EPHA4: variants seen among roughly 807,000 people sequenced by gnomAD.
EPHA4 encodes the protein EPH receptor A4.
EPHA4 carries 19 observed loss-of-function variants against 108.3 expected under a neutral mutation model. The observed-to-expected ratio is 0.18, with a 90% CI of 0.12 to 0.26. The LOEUF (loss-of-function observed/expected upper bound fraction) is 0.26, where lower values mean the gene tolerates loss of function less well. Among genes scored for constraint, EPHA4 ranks in the 10% least tolerant of loss-of-function variants. EPHA4 has a pLI of 1.00. For missense variants in EPHA4, 917 were observed against 1,254.0 expected (o/e 0.73, Z 4.06); for synonymous variants, 449 against 455.5 (o/e 0.99, Z 0.18).
intron 5 of EPHA4, among the ~76,000 whole-genome samples, chr2:221,460,521 T>A (rs1017263353): frequency 6.6e-6 from 1 of 152,170 alleles, no homozygotes; most frequent in Non-Finnish European, 1.5e-5. Context: ...CATGACCAAG[T>A]GAGGTTGGGA....
chr2:221,549,629 T>C (rs1301932751), intron 3 of EPHA4, among the ~76,000 whole-genome samples: 3 of 152,248 alleles, frequency 2.0e-5, no homozygotes, highest in Non-Finnish European at 4.4e-5. Flanking sequence ...ACCATGCCTA[T>C]GAACTAACTG....
chr2:221,460,099 T>C (rs946962333), intron 5 of EPHA4, among the ~76,000 whole-genome samples: 1 of 152,130 alleles, frequency 6.6e-6, no homozygotes, highest in Non-Finnish European at 1.5e-5. Flanking sequence ...ACTAAGGTGC[T>C]CAAAAAATCT....
At chr2:221,546,435 A>T (rs1694000228) in intron 3 of EPHA4, among the ~76,000 whole-genome samples, 1 of 151,816 alleles carries the variant, frequency 6.6e-6, no homozygotes. Context: ...TTTATTATAT[A>T]CTTTTTTCTT....
At chr2:221,497,930 C>A (rs553545285) in intron 4 of EPHA4, among the ~76,000 whole-genome samples, 1 of 152,230 alleles carries the variant, frequency 6.6e-6, no homozygotes, top group South Asian at 2.1e-4. Flanking sequence ...AATTTTTAGA[C>A]TTTTTGGTCC....
intron 3 of EPHA4, among the ~76,000 whole-genome samples, chr2:221,516,815 T>C (rs1693003594): frequency 6.6e-6 from 1 of 152,202 alleles, no homozygotes; most frequent in Non-Finnish European, 1.5e-5. Flanking sequence ...CTCCAACACT[T>C]TCTCAGCCCT....
intron 11 of EPHA4, among the ~76,000 whole-genome samples, chr2:221,440,136 A>G (rs1480817225): frequency 1.3e-5 from 2 of 152,216 alleles, no homozygotes; most frequent in Non-Finnish European, 2.9e-5. Context: ...TCCCTGCAGT[A>G]GGCAGGGATG....
chr2:221,528,630 G>A (rs1693414009), intron 3 of EPHA4, among the ~76,000 whole-genome samples: 1 of 152,188 alleles, frequency 6.6e-6, no homozygotes, highest in Non-Finnish European at 1.5e-5. Flanking sequence ...TAAGGTAGGA[G>A]TTCTCCTTTT....
intron 3 of EPHA4, among the ~76,000 whole-genome samples, chr2:221,540,083 C>T (rs1377196807): frequency 6.6e-6 from 1 of 152,094 alleles, no homozygotes; most frequent in Non-Finnish European, 1.5e-5. Flanking sequence ...CCATGCCCAG[C>T]TATTTTTTGT....
intron 4 of EPHA4, among the ~76,000 whole-genome samples, chr2:221,492,587 A>G (rs1692178711): frequency 6.6e-6 from 1 of 152,232 alleles, no homozygotes; most frequent in African/African-American, 2.4e-5. Context: ...TTAGTAGCTA[A>G]AATGCTGAAA....
chr2:221,522,772 T>C (rs923273462), intron 3 of EPHA4, among the ~76,000 whole-genome samples: 6 of 136,466 alleles, frequency 4.4e-5, no homozygotes, highest in Non-Finnish European at 9.9e-5. Context: ...TTATTATTAT[T>C]ATTTTTTTGA....
In EPHA4 at chr2:221,421,169, C is replaced by G. The variant is rs368840156; in HGVS notation, c.*820-617G>C. On this transcript the variant is annotated intron_variant, in intron 17 of 17. Coordinates refer to ENST00000281821, the MANE Select transcript of EPHA4 (RefSeq NM_004438.5). ...AAAATTAGCCAGGCGTGGTGGCGGG[C>G]GCCTGTAGTCCCGGCTACTCGGGAG... 5.2e-4 allele frequency among the ~76,000 whole-genome samples: 79 copies of G among 152,040 alleles called. 1 individual carries two copies. Among genetic ancestry groups the G allele is most frequent in the African/African-American group, 1.8e-3 (75 of 41,480 alleles).
chr2:221,434,735 A>G (rs1690179534), intron 13 of EPHA4, among the ~76,000 whole-genome samples: 1 of 152,216 alleles, frequency 6.6e-6, no homozygotes, highest in African/African-American at 2.4e-5. Flanking sequence ...GAACATTTCT[A>G]TCCATCACAC....
At position 221,421,422 on chromosome 2, in the gene EPHA4, G is replaced by A. The variant is rs183155881; in HGVS notation, c.*820-870C>T. Among the ~76,000 whole-genome samples the A allele has an allele frequency of 2.6e-3, 401 of 152,360 alleles. 3 individuals carry two copies. The highest frequency in any genetic ancestry group is 9.3e-3 in the African/African-American group (385 of 41,590). ...GTATCTAATCTAACATGGCGAAAGAGCCATACTCTCTACATGTAAACAGGC... is the reference window on the plus strand; with the variant it reads ...GTATCTAATCTAACATGGCGAAAGAACCATACTCTCTACATGTAAACAGGC... On this transcript the variant is annotated intron_variant, in intron 17 of 17. Transcript: ENST00000281821.
chr2:221,570,056 C>A (rs1470319227), intron 1 of EPHA4, among the ~76,000 whole-genome samples: 2 of 151,674 alleles, frequency 1.3e-5, no homozygotes, highest in African/African-American at 4.8e-5. Context: ...TAGAGAAAAG[C>A]CCGCTACATC....
At chr2:221,539,959 C>A (rs1052734681) in intron 3 of EPHA4, among the ~76,000 whole-genome samples, 3 of 151,980 alleles carry the variant, frequency 2.0e-5, no homozygotes, top group African/African-American at 4.8e-5. Context: ...ACTCTGTTGC[C>A]CAGGCTGGAG....
intron 14 of EPHA4, among the ~76,000 whole-genome samples, chr2:221,432,291 A>C (rs1559237095): frequency 6.6e-6 from 1 of 152,154 alleles, no homozygotes; most frequent in Non-Finnish European, 1.5e-5. Flanking sequence ...AAGCTTAAGT[A>C]TCGAATAATT....
chr2:221,573,197 T>C (rs1336329958), upstream of EPHA4: 1 of 152,236 alleles, frequency 6.6e-6, no homozygotes, highest in Non-Finnish European at 1.5e-5. This position sits in a 1 kb window ranked among gnomAD's most constrained non-coding sequence, Gnocchi z 4.5. Flanking sequence ...GGCTTAAGTG[T>C]GGGTGCGGGG....
intron 3 of EPHA4, among the ~76,000 whole-genome samples, chr2:221,561,547 T>C (rs1392178180): frequency 2.0e-5 from 3 of 152,212 alleles, no homozygotes; most frequent in South Asian, 2.1e-4. Flanking sequence ...TCTGGCCTCA[T>C]GTTAGGAACA....
At chr2:221,441,316 CA>C (rs1690421713) in intron 11 of EPHA4, among the ~76,000 whole-genome samples, 1 of 150,848 alleles carries the variant, frequency 6.6e-6, no homozygotes, top group Admixed American at 6.6e-5. Context: ...ATGATATGGA[CA>C]GGCGGCAGGG....
Sources: gnomAD v4.1 joint callset for allele counts (sites outside exome capture counted in the v4.1 genomes callset) on GRCh38, gnomAD v4.1.1 for gene constraint, Gnocchi (gnomAD v3.1) non-coding constraint, MANE v1.5 for transcripts, NCBI Gene and HGNC (gene_info 2026-07-23, HGNC 2026-07-21) for gene names.